The following GNB5 variants were observed in gnomAD, a reference collection of about 807,000 sequenced individuals.
The protein encoded by GNB5 is guanine nucleotide-binding protein subunit beta-5.
GNB5 carries 37 observed loss-of-function variants against 55.3 expected under a neutral mutation model. The observed-to-expected ratio is 0.67, with a 90% confidence interval of 0.51 to 0.88. The LOEUF (loss-of-function observed/expected upper bound fraction) is 0.88. Among genes scored for constraint, GNB5 ranks in the 40% least tolerant of loss-of-function variants. The pLI, the probability that GNB5 is intolerant of heterozygous loss-of-function variation, is 0.00. For synonymous variants in GNB5, 219 were observed against 198.5 expected (o/e 1.10, Z -0.87); for missense variants, 476 against 515.3 (o/e 0.92, Z 0.74).
intron 6 of GNB5, among the ~76,000 whole-genome samples, chr15:52,145,174 T>C (rs2033943798): frequency 6.6e-6 from 1 of 152,098 alleles, no homozygotes; most frequent in African/African-American, 2.4e-5. Context: ...CTTGCTTGCT[T>C]TCTCTAATAG....
At chr15:52,150,547 C>T (rs997787590) in intron 4 of GNB5, among the ~76,000 whole-genome samples, 7 of 152,222 alleles carry the variant, frequency 4.6e-5, no homozygotes. Flanking sequence ...CACACCTACA[C>T]TGAGAACAAC....
At chr15:52,127,205 C>T (rs1231574625) in intron 10 of GNB5, among the ~76,000 whole-genome samples, 1 of 152,218 alleles carries the variant, frequency 6.6e-6, no homozygotes, top group South Asian at 2.1e-4. Flanking sequence ...ATCAACCCAA[C>T]CTCTGGGCAT....
chr15:52,154,088 A>C lies in GNB5; in HGVS notation c.239-12T>G. On this transcript the variant is annotated splice_polypyrimidine_tract_variant and intron_variant, in intron 3 of 12. Transcript: ENST00000261837. ...CGCCACCTGGTGCACTGGAATGACA[A>C]GGCCATAGTCAGTCCCCTTGCTAAG... is the stretch of plus-strand genomic sequence containing the variant. The C allele has an allele frequency of 6.2e-7, 1 of 1,613,234 alleles. No individual in the cohort carries two copies. Among genetic ancestry groups the C allele is most frequent in the Non-Finnish European group, 8.5e-7 (1 of 1,179,524 alleles).
intron 3 of GNB5, among the ~76,000 whole-genome samples, chr15:52,159,037 G>A (rs1442842713): frequency 6.6e-6 from 1 of 152,164 alleles, no homozygotes; most frequent in Non-Finnish European, 1.5e-5. Flanking sequence ...GATGAGAGGA[G>A]GTCCTAGGTG....
At chr15:52,188,840 T>TC (rs748959933) in intron 1 of GNB5, among the ~76,000 whole-genome samples, 52 of 152,320 alleles carry the variant, frequency 3.4e-4, no homozygotes, top group Middle Eastern at 3.4e-3. Flanking sequence ...AAAACTTGAA[T>TC]CCCCCATCAC....
At chr15:52,139,801 G>A (rs1436898305) in intron 7 of GNB5, 1 of 1,238,684 alleles carries the variant, frequency 8.1e-7, no homozygotes. Flanking sequence ...GGAAAAGAAA[G>A]CACTTTCTCA....
intron 4 of GNB5, among the ~76,000 whole-genome samples, chr15:52,151,188 A>G (rs972611995): frequency 3.9e-5 from 6 of 152,158 alleles, no homozygotes; most frequent in Admixed American, 6.5e-5. Context: ...GTAAGCCTTT[A>G]GCGCAGAAAC....
chr15:52,152,243 C>A (rs1035421233), intron 4 of GNB5, among the ~76,000 whole-genome samples: 2 of 151,848 alleles, frequency 1.3e-5, no homozygotes, highest in Admixed American at 6.6e-5. Flanking sequence ...AGCAAACCAA[C>A]CTGCTTTTGG....
chr15:52,149,800 C>A, intron 5 of GNB5, 84 bp downstream of exon 5: 1 of 979,280 alleles, frequency 1.0e-6, no homozygotes. Context: ...GAAATCAGGA[C>A]AGGGCCGGGC....
At chr15:52,173,012 T>G (rs1481520905) in intron 3 of GNB5, among the ~76,000 whole-genome samples, 1 of 151,636 alleles carries the variant, frequency 6.6e-6, no homozygotes, top group African/African-American at 2.4e-5. Context: ...AATGCCAATC[T>G]TTTTTTTTCA....
At chr15:52,170,712 GA>G (rs879939707) in intron 3 of GNB5, among the ~76,000 whole-genome samples, 86 of 112,866 alleles carry the variant, frequency 7.6e-4, no homozygotes, top group Middle Eastern at 4.8e-3. Context: ...AAAAGCTGAA[GA>G]AAAAAAAAAA....
intron 3 of GNB5, among the ~76,000 whole-genome samples, chr15:52,175,722 G>A (rs142223980): frequency 0.05 from 7,475 of 148,892 alleles, 236 homozygotes; most frequent in African/African-American, 0.089. Flanking sequence ...CTGGGCGACA[G>A]AGTGAGACTC....
At chr15:52,184,399 C>G (rs2034815641) in intron 2 of GNB5, 152 bp downstream of exon 2, 1 of 622,520 alleles carries the variant, frequency 1.6e-6, no homozygotes, top group Non-Finnish European at 2.8e-6. Flanking sequence ...AGAGTCCACA[C>G]CCTGAACCTC....
In GNB5 at chr15:52,131,406, ATTAT is replaced by A. The variant is rs200797113; in HGVS notation, c.863+1968_863+1971del. Among the ~76,000 whole-genome samples, 784 of 152,234 alleles carry A rather than the reference ATTAT, an allele frequency of 5.1e-3. 13 individuals carry two copies. The highest frequency in any genetic ancestry group is 0.017 in the African/African-American group (716 of 41,548). On this transcript the variant is annotated intron_variant, in intron 9 of 12. Transcript: ENST00000261837. ...GCAAATACTATACCACTTTAATTTT[ATTAT>A]TTATTTATTTTTATAACTTCAGCAT... is the stretch of plus-strand genomic sequence containing the variant.
chr15:52,137,451 T>C (rs1360893500), intron 7 of GNB5: 1 of 1,018,616 alleles, frequency 9.8e-7, no homozygotes, highest in Non-Finnish European at 1.2e-6. Flanking sequence ...CGTTCACAGG[T>C]GGGGACTCAG....
intron 1 of GNB5, among the ~76,000 whole-genome samples, chr15:52,190,120 T>A (rs866854731): frequency 0.054 from 7,740 of 142,116 alleles, 273 homozygotes; most frequent in African/African-American, 0.096. Context: ...TCAATAAATT[T>A]TTTTTTTTTT....
intron 3 of GNB5, among the ~76,000 whole-genome samples, chr15:52,173,633 G>C (rs1173881574): frequency 6.6e-6 from 1 of 152,216 alleles, no homozygotes; most frequent in Non-Finnish European, 1.5e-5. Context: ...AGGTCAGTTA[G>C]GGAGACTGTT....
chr15:52,153,520 T>C (rs2034144257), intron 4 of GNB5, among the ~76,000 whole-genome samples: 1 of 152,218 alleles, frequency 6.6e-6, no homozygotes, highest in African/African-American at 2.4e-5. Flanking sequence ...GTAAATGATA[T>C]GATTTTTAAA....
At chr15:52,139,953 G>A in intron 7 of GNB5, 1 of 1,282,060 alleles carries the variant, frequency 7.8e-7, no homozygotes. Context: ...AATGTCCTCT[G>A]TTGCTTTGGT....
Sources: allele counts gnomAD v4.1 joint callset (sites outside exome capture counted in the v4.1 genomes callset), GRCh38; gene constraint gnomAD v4.1.1; transcripts MANE v1.5; gene names NCBI Gene and HGNC (gene_info 2026-07-23, HGNC 2026-07-21).